The following UNC45A variants were observed in gnomAD, a reference collection of about 807,000 sequenced individuals.
UNC45A encodes unc-45 myosin chaperone A.
UNC45A carries 78 observed loss-of-function variants against 103.2 expected under a neutral mutation model. That is an observed-to-expected ratio of 0.76 (90% confidence interval 0.63 to 0.91). The LOEUF is 0.91. Among genes scored for constraint, UNC45A ranks in the 40% least tolerant of loss-of-function variants. The pLI is 0.00. For missense variants in UNC45A, 1,193 were observed against 1,224.8 expected, an observed-to-expected ratio of 0.97 and a Z score of 0.39; for synonymous variants, 495 against 504.6, an observed-to-expected ratio of 0.98 and a Z score of 0.25.
intron 6 of UNC45A, 34 bp downstream of exon 6, chr15:90,940,507 G>T (rs1683110082): frequency 6.3e-7 from 1 of 1,585,198 alleles, no homozygotes; most frequent in African/African-American, 1.3e-5. Context: ...TACAGCTTCA[G>T]TCCCTTTGTC....
chr15:90,943,223 T>A, intron 8 of UNC45A, 141 bp downstream of exon 8: 1 of 1,066,984 alleles, frequency 9.4e-7, no homozygotes, highest in Non-Finnish European at 1.3e-6. Context: ...AGCCGGGAGT[T>A]TGAGATCAGC....
chr15:90,935,430 G>A, intron 1 of UNC45A, 55 bp downstream of exon 1: 1 of 1,579,768 alleles, frequency 6.3e-7, no homozygotes, highest in Non-Finnish European at 8.6e-7. Flanking sequence ...GACCATCCCT[G>A]GCCTCCTTCT....
chr15:90,937,985 G>A (rs2036106131), intron 4 of UNC45A, among the ~76,000 whole-genome samples: 1 of 151,946 alleles, frequency 6.6e-6, no homozygotes, highest in African/African-American at 2.4e-5. Flanking sequence ...GTAGAGACAG[G>A]GTTTTACTGT....
chr15:90,951,860 A>G (rs1038497399), intron 17 of UNC45A, among the ~76,000 whole-genome samples: 5 of 152,152 alleles, frequency 3.3e-5, no homozygotes, highest in African/African-American at 1.2e-4. Flanking sequence ...TCAAGGCTAC[A>G]GCAGTGAGCT....
In UNC45A at chr15:90,950,154, G is replaced by A; in HGVS notation, c.2074G>A (p.Ala692Thr). The A allele has an allele frequency of 6.4e-7, 1 of 1,551,302 alleles. No individual in the cohort carries two copies. Among genetic ancestry groups the A allele is most frequent in the South Asian group, 1.2e-5 (1 of 84,036 alleles). ...AGCAGTGACGGGCTTGTTCCTACAG[G>A]CGCTGATCCCGCTGGCCCTGGAAGG... is the stretch of plus-strand genomic sequence containing the variant. ...GTVVAQGGGRALIPLALEGTD... is the reference protein window; with the variant it reads ...GTVVAQGGGRTLIPLALEGTD... Residue 692 changes from alanine (A) to threonine (T), a missense_variant and splice_region_variant, in exon 16 of 20, where the codon GCG (alanine) becomes ACG (threonine). Transcript: ENST00000418476.
chr15:90,950,559 G>C lies in UNC45A; in HGVS notation c.2247G>C (p.Gln749His), dbSNP rs1308951096. The C allele has an allele frequency of 2.5e-6, 4 of 1,614,214 alleles. No individual in the cohort carries two copies. The South Asian group carries it at 4.4e-5, about 18-fold the overall frequency. ...SLLHLNCSGL[Q>H]NFEALMALTN... ...TGCACCTCAACTGCTCAGGCCTGCA[G>C]AACTTCGAGGCGCTCATGGCCCTAA... Residue 749 changes from glutamine (Q) to histidine (H), a missense_variant, in exon 17 of 20, where the codon CAG becomes CAC. Coordinates refer to ENST00000418476, the MANE Select transcript of UNC45A (RefSeq NM_018671.5).
intron 8 of UNC45A, among the ~76,000 whole-genome samples, chr15:90,943,986 G>GTTTTTTTTTTTTTTT (rs953436599): frequency 5.1e-5 from 4 of 78,320 alleles, no homozygotes; most frequent in South Asian, 5.8e-4. Flanking sequence ...ATTGTGCCCT[G>GTTTTTTTTTTTTTTT]TTTTTTTTTT....
chr15:90,937,843 C>T (rs948828900), intron 4 of UNC45A, among the ~76,000 whole-genome samples: 10 of 152,020 alleles, frequency 6.6e-5, no homozygotes, highest in African/African-American at 2.2e-4. Flanking sequence ...TATTTTGAGA[C>T]GGGGTCTCAC....
chr15:90,952,917 G>A lies in UNC45A; in HGVS notation c.2304-12G>A, dbSNP rs1466455530. 6.2e-7 allele frequency: 1 copy of A among 1,609,244 alleles called. No homozygotes were observed. Among genetic ancestry groups the A allele is most frequent in the Admixed American group, 1.7e-5 (1 of 60,002 alleles). ...AACCGTATCCCTGCTGCTTCCTCCT[G>A]TGGCCCTGCAGGCAGAAGATCCTGA... On this transcript the variant is annotated splice_polypyrimidine_tract_variant and intron_variant, in intron 17 of 19. Transcript: ENST00000418476.
chr15:90,941,231 G>A (rs1363605310), intron 6 of UNC45A, among the ~76,000 whole-genome samples: 1 of 152,108 alleles, frequency 6.6e-6, no homozygotes, highest in African/African-American at 2.4e-5. Context: ...GACAGTGACC[G>A]GACACGTAGG....
At chr15:90,944,384 T>C (rs933568067) in intron 8 of UNC45A, among the ~76,000 whole-genome samples, 3 of 145,162 alleles carry the variant, frequency 2.1e-5, no homozygotes, top group Non-Finnish European at 4.6e-5. Context: ...GACTCTGTCT[T>C]AAAAAAAAAA....
rs565241262 is a variant in UNC45A at position 90,944,826 on chromosome 15, G to T, written c.1028-66G>T. 685 of 1,543,432 alleles carry T rather than the reference G, an allele frequency of 4.4e-4. 6 individuals carry two copies. The South Asian group carries it at 6.9e-3, about 16-fold the overall frequency. ...TGCTTTTCTCCACATCTCCTAGGAA[G>T]CCTGTTTCTTTTACTTGTAGGGGTT... On this transcript the variant is annotated intron_variant, in intron 8 of 19. Coordinates refer to ENST00000418476, the MANE Select transcript of UNC45A (RefSeq NM_018671.5).
intron 17 of UNC45A, among the ~76,000 whole-genome samples, chr15:90,951,033 A>G (rs2036879907): frequency 6.6e-6 from 1 of 151,954 alleles, no homozygotes; most frequent in Non-Finnish European, 1.5e-5. Flanking sequence ...TTTGAGACGG[A>G]GTCTTGCTCT....
chr15:90,941,553 C>T (rs929044521), intron 6 of UNC45A, among the ~76,000 whole-genome samples: 3 of 152,308 alleles, frequency 2.0e-5, no homozygotes, highest in East Asian at 1.9e-4. Context: ...TCCTGCCTTC[C>T]GGTCCATTCC....
chr15:90,940,188 TG>T, intron 5 of UNC45A, 117 bp from the exon 6 acceptor site: 3 of 1,151,348 alleles, frequency 2.6e-6, no homozygotes, highest in Non-Finnish European at 3.7e-6. Context: ...TTTTTGGCCG[TG>T]GTCACTCAAC....
chr15:90,940,037 C>G (rs2036210353), intron 5 of UNC45A, among the ~76,000 whole-genome samples: 1 of 152,236 alleles, frequency 6.6e-6, no homozygotes, highest in Non-Finnish European at 1.5e-5. Context: ...CGCCCTGTGC[C>G]AGGAACTGGG....
chr15:90,950,416 T>C, intron 16 of UNC45A, 84 bp from the exon 17 acceptor site: 1 of 1,500,640 alleles, frequency 6.7e-7, no homozygotes, highest in Admixed American at 1.9e-5. Flanking sequence ...AGTACTCTCT[T>C]GGGGGTGGGC....
At position 90,953,855 on chromosome 15, in the gene UNC45A, CTCTGT is replaced by C; in HGVS notation, c.*144_*148del. The C allele has an allele frequency of 7.7e-7, 1 of 1,298,766 alleles. No homozygotes were observed. The highest frequency in any genetic ancestry group is 1.1e-6 in the Non-Finnish European group (1 of 950,542). The allele number at this position is 1,298,766 out of a possible 1,614,324, so 80.5% of individuals were successfully genotyped here. A position where few individuals can be genotyped will look rare whatever the true frequency, so the allele number is the denominator to read the frequency against. On this transcript the variant is annotated 3_prime_UTR_variant, in exon 20 of 20. Transcript: ENST00000418476. The stretch of plus-strand genomic sequence containing the variant: ...TCCTCGCTTGCTGCCCTAGGATGTC[CTCTGT>C]TCTGAGTCAGCGGCCACGTTCAGTC...
At chr15:90,931,422 A>G, upstream of UNC45A, 1 of 1,603,252 alleles carries the variant, frequency 6.2e-7, no homozygotes, top group Middle Eastern at 1.7e-4. Context: ...AAGAGTCGAC[A>G]GAAACTTGCT....
Sources: gnomAD v4.1 joint callset for allele counts (sites outside exome capture counted in the v4.1 genomes callset) on GRCh38, gnomAD v4.1.1 for gene constraint, MANE v1.5 for transcripts, NCBI Gene and HGNC (gene_info 2026-07-23, HGNC 2026-07-21) for gene names.